The following ULK4 variants were observed in gnomAD, a reference collection of about 807,000 sequenced individuals.
The protein encoded by ULK4 is inactive serine/threonine-protein kinase ULK4.
A neutral mutation model predicts 160.6 loss-of-function variants in ULK4; 133 were observed. The ratio of observed to expected loss-of-function variants is 0.83; its 90% CI spans 0.72 to 0.96. ULK4 has a LOEUF of 0.96. Among genes scored for constraint, ULK4 ranks in the 40% least tolerant of loss-of-function variants. The pLI, the probability that ULK4 is intolerant of heterozygous loss-of-function variation, is 0.00. For synonymous variants in ULK4, 534 were observed against 539.8 expected (o/e 0.99, Z 0.15); for missense variants, 1,580 against 1,499.5 (o/e 1.05, Z -0.89).
intron 31 of ULK4, among the ~76,000 whole-genome samples, chr3:41,587,189 C>T (rs1009972921): frequency 1.3e-5 from 2 of 152,174 alleles, no homozygotes; most frequent in Admixed American, 1.3e-4. Flanking sequence ...CCACTATCAA[C>T]TCCTAAAAGC....
At chr3:41,788,243 G>A (rs182056639) in intron 21 of ULK4, among the ~76,000 whole-genome samples, 88 of 152,256 alleles carry the variant, frequency 5.8e-4, no homozygotes, top group African/African-American at 2.0e-3. Context: ...AATAGTTACT[G>A]ACATTTTAAG....
chr3:41,695,362 C>T (rs543722304), intron 27 of ULK4, among the ~76,000 whole-genome samples: 1 of 152,304 alleles, frequency 6.6e-6, no homozygotes, highest in South Asian at 2.1e-4. Flanking sequence ...ACACTTCGTG[C>T]CCCATCTTGG....
chr3:41,477,198 T>C (rs1473761257), intron 32 of ULK4, among the ~76,000 whole-genome samples: 4 of 152,212 alleles, frequency 2.6e-5, no homozygotes. Context: ...GTATGAATTA[T>C]AAGCAAACCC....
chr3:41,684,691 A>G (rs1238380371), intron 27 of ULK4, among the ~76,000 whole-genome samples: 1 of 152,170 alleles, frequency 6.6e-6, no homozygotes, highest in Non-Finnish European at 1.5e-5. Flanking sequence ...ATTCTTGGGG[A>G]CCATGGAGAT....
chr3:41,442,737 A>G (rs147282169), intron 34 of ULK4, among the ~76,000 whole-genome samples: 44 of 152,168 alleles, frequency 2.9e-4, no homozygotes, highest in African/African-American at 1.0e-3. Flanking sequence ...GGGACTACAG[A>G]CATGAGCCAC....
At chr3:41,709,943 A>C (rs1189306150) in intron 25 of ULK4, among the ~76,000 whole-genome samples, 1 of 152,198 alleles carries the variant, frequency 6.6e-6, no homozygotes, top group Non-Finnish European at 1.5e-5. Context: ...TACACATAAT[A>C]CACAAATGCT....
chr3:41,724,752 T>A (rs1289138725), intron 22 of ULK4, among the ~76,000 whole-genome samples: 1 of 152,064 alleles, frequency 6.6e-6, no homozygotes, highest in Non-Finnish European at 1.5e-5. Flanking sequence ...ATTCCAGTTT[T>A]TCTATATCTT....
chr3:41,381,373 T>G (rs1397914724), intron 35 of ULK4, among the ~76,000 whole-genome samples: 9 of 152,208 alleles, frequency 5.9e-5, no homozygotes, highest in Admixed American at 2.0e-4. Flanking sequence ...AGTCCAGACC[T>G]CTTTCTGTTG....
At chr3:41,371,601 C>T (rs925539359) in intron 35 of ULK4, among the ~76,000 whole-genome samples, 4 of 152,166 alleles carry the variant, frequency 2.6e-5, no homozygotes, top group African/African-American at 9.6e-5. Flanking sequence ...ATAGCATCAA[C>T]ATCAACAAAA....
intron 29 of ULK4, among the ~76,000 whole-genome samples, chr3:41,668,612 T>C (rs138339502): frequency 2.0e-5 from 3 of 152,302 alleles, no homozygotes; most frequent in East Asian, 1.9e-4. Context: ...AACTGCCTAA[T>C]GATGCATTTC....
chr3:41,836,000 T>C, intron 17 of ULK4, 29 bp from the exon 18 acceptor site: 1 of 1,319,298 alleles, frequency 7.6e-7, no homozygotes, highest in East Asian at 2.3e-5. Flanking sequence ...AAAAAGTAAA[T>C]TATTTCAAAT....
At chr3:41,369,003 C>G (rs1035552925) in intron 35 of ULK4, among the ~76,000 whole-genome samples, 1 of 152,096 alleles carries the variant, frequency 6.6e-6, no homozygotes, top group African/African-American at 2.4e-5. Context: ...TTAAAATCTG[C>G]CTAATACCTG....
intron 35 of ULK4, among the ~76,000 whole-genome samples, chr3:41,300,842 T>TATATATATAG (rs2079776827): frequency 2.9e-5 from 1 of 34,022 alleles, no homozygotes; most frequent in Non-Finnish European, 6.4e-5. Context: ...ACAGATTATA[T>TATATATATAG]ATATATATAT....
At chr3:41,911,687 A>G (rs1559645199) in intron 9 of ULK4, 28 bp from the exon 10 acceptor site, 1 of 1,552,226 alleles carries the variant, frequency 6.4e-7, no homozygotes, top group Non-Finnish European at 8.9e-7. Flanking sequence ...CAACACAATC[A>G]AACTTACTTT....
At chr3:41,680,284 T>A (rs1276398294) in intron 29 of ULK4, among the ~76,000 whole-genome samples, 1 of 152,194 alleles carries the variant, frequency 6.6e-6, no homozygotes, top group African/African-American at 2.4e-5. Flanking sequence ...TTCAAACAAT[T>A]GTCTTACTTT....
At chr3:41,551,509 G>C (rs751289021) in intron 32 of ULK4, among the ~76,000 whole-genome samples, 8 of 151,540 alleles carry the variant, frequency 5.3e-5, no homozygotes, top group Non-Finnish European at 1.0e-4. Flanking sequence ...CTAACAACCT[G>C]GAAAACCTAG....
intron 19 of ULK4, among the ~76,000 whole-genome samples, chr3:41,814,261 C>A (rs1369339806): frequency 6.6e-6 from 1 of 152,208 alleles, no homozygotes; most frequent in Non-Finnish European, 1.5e-5. Context: ...TTACACCATA[C>A]AAGCTTTGTA....
At chr3:41,645,787 T>C (rs1209333723) in intron 30 of ULK4, among the ~76,000 whole-genome samples, 3 of 152,196 alleles carry the variant, frequency 2.0e-5, no homozygotes, top group East Asian at 1.9e-4. Flanking sequence ...ATGTTGACAG[T>C]AGGGTGTCAA....
At chr3:41,680,018 A>T (rs1195272360) in intron 29 of ULK4, among the ~76,000 whole-genome samples, 1 of 152,170 alleles carries the variant, frequency 6.6e-6, no homozygotes, top group Non-Finnish European at 1.5e-5. Context: ...CCAGCTCTCA[A>T]AGCACATCCT....
Sources: gnomAD v4.1 joint callset for allele counts (sites outside exome capture counted in the v4.1 genomes callset) on GRCh38, gnomAD v4.1.1 for gene constraint, MANE v1.5 for transcripts, NCBI Gene and HGNC (gene_info 2026-07-23, HGNC 2026-07-21) for gene names.